Variants in CR1 observed in about 807,000 individuals in gnomAD.
The protein encoded by CR1 is complement C3b/C4b receptor 1 (Knops blood group).
A neutral mutation model predicts 187.3 loss-of-function variants in CR1; 116 were observed. The observed-to-expected ratio is 0.62, with a 90% confidence interval of 0.53 to 0.72. CR1 has a LOEUF of 0.72. Among genes scored for constraint, CR1 ranks in the 30% least tolerant of loss-of-function variants. The pLI, the probability that CR1 is intolerant of heterozygous loss-of-function variation, is 0.00. For missense variants in CR1, 1,731 were observed against 2,110.7 expected (o/e 0.82, Z 3.52); for synonymous variants, 576 against 747.1 (o/e 0.77, Z 3.73).
chr1:207,564,958 G>C (rs1427410697), intron 23 of CR1, among the ~76,000 whole-genome samples: 1 of 150,166 alleles, frequency 6.7e-6, no homozygotes, highest in East Asian at 1.9e-4. Context: ...ATTTGTAATA[G>C]GACTGAAAAT....
At chr1:207,521,370 T>C (rs1659987075) in intron 4 of CR1, among the ~76,000 whole-genome samples, 1 of 152,098 alleles carries the variant, frequency 6.6e-6, no homozygotes, top group Admixed American at 6.6e-5. Flanking sequence ...TTATGCTCAG[T>C]TCTCTCTCTC....
At chr1:207,510,740 T>A (rs142493735) in intron 3 of CR1, among the ~76,000 whole-genome samples, 36 of 135,318 alleles carry the variant, frequency 2.7e-4, no homozygotes, top group African/African-American at 1.1e-3. Flanking sequence ...CTTCCTTCCT[T>A]CCTTCTTTCC....
At chr1:207,514,827 G>A (rs1193793144) in intron 4 of CR1, among the ~76,000 whole-genome samples, 1 of 151,488 alleles carries the variant, frequency 6.6e-6, no homozygotes, top group African/African-American at 2.4e-5. Flanking sequence ...TCATATATTT[G>A]TTTCCTTGTA....
At chr1:207,593,422 T>G (rs1198209215) in intron 35 of CR1, among the ~76,000 whole-genome samples, 1 of 152,230 alleles carries the variant, frequency 6.6e-6, no homozygotes, top group African/African-American at 2.4e-5. Flanking sequence ...AAACTGAAGC[T>G]GGACCCCTTC....
At chr1:207,576,722 A>T (rs1390477796) in intron 28 of CR1, among the ~76,000 whole-genome samples, 1 of 151,824 alleles carries the variant, frequency 6.6e-6, no homozygotes, top group Non-Finnish European at 1.5e-5. Context: ...GGAGACTGAG[A>T]GGTGGGAGGA....
intron 1 of CR1, among the ~76,000 whole-genome samples, chr1:207,496,748 T>C (rs1257449318): frequency 6.6e-6 from 1 of 152,222 alleles, no homozygotes; most frequent in Non-Finnish European, 1.5e-5. Context: ...GAAAGGGAAC[T>C]TGGGGATCCG....
At chr1:207,622,125 T>C (rs1662332396) in intron 44 of CR1, 129 bp downstream of exon 44, 3 of 601,632 alleles carry the variant, frequency 5.0e-6, no homozygotes, top group African/African-American at 1.9e-5. Context: ...ATATCTTCAG[T>C]TGTAAGTTCA....
chr1:207,612,170 G>A (rs1292458379), intron 39 of CR1, 129 bp downstream of exon 39: 9 of 1,025,170 alleles, frequency 8.8e-6, no homozygotes, highest in Non-Finnish European at 1.3e-5. Flanking sequence ...TTTATGGAAG[G>A]GTAGTTTTGA....
intron 35 of CR1, among the ~76,000 whole-genome samples, chr1:207,606,150 A>T (rs1661743896): frequency 6.6e-6 from 1 of 152,194 alleles, no homozygotes; most frequent in African/African-American, 2.4e-5. Flanking sequence ...ACCTCTTCAA[A>T]ATGAGAGCCC....
chr1:207,579,881 C>A (rs1660881726), intron 29 of CR1, among the ~76,000 whole-genome samples: 2 of 152,144 alleles, frequency 1.3e-5, no homozygotes, highest in Non-Finnish European at 2.9e-5. Context: ...CATGCCTGTC[C>A]CGAAACAGTA....
Position 207,609,482 on chromosome 1 carries a change from G to T in CR1, c.6089G>T (p.Ser2030Ile). The change falls in exon 37 of 47, where the codon AGC (serine) becomes ATC (isoleucine). Residue 2030 changes from serine to isoleucine, a missense_variant. Ser to Ile is a moderately radical substitution (Grantham distance 142). Transcript: ENST00000367049. ...GATGATCAAGTTGGTGTTTGGAGCA[G>T]CCCTCCCCCTCGGTGTATTTCTACT... ...SKDDQVGVWS[S>I]PPPRCISTNK... 1 of 1,614,008 alleles carries T rather than the reference G, an allele frequency of 6.2e-7. No individual in the cohort carries two copies. Among genetic ancestry groups the T allele is most frequent in the Non-Finnish European group, 8.5e-7 (1 of 1,179,890 alleles).
At position 207,609,343 on chromosome 1, in the gene CR1, A is replaced by T. The variant is rs1273830420; in HGVS notation, c.5950A>T (p.Asn1984Tyr). The T allele has an allele frequency of 1.2e-6, 2 of 1,613,882 alleles. No individual in the cohort carries two copies. Among genetic ancestry groups the T allele is most frequent in the Non-Finnish European group, 1.7e-6 (2 of 1,179,876 alleles). Residue 1984 changes from asparagine to tyrosine, a missense_variant, in exon 37 of 47, where the codon AAT becomes TAT. Transcript: ENST00000367049. Reference sequence around the variant, plus strand: ...ATCCAATGGAGACTTCTACAGCAACAATAGAACATCTTTTCACAATGGAAC... The same window carrying T: ...ATCCAATGGAGACTTCTACAGCAACTATAGAACATCTTTTCACAATGGAAC... ...TISNGDFYSN[N>Y]RTSFHNGTVV... is the part of the protein sequence containing the mutation.
chr1:207,509,409 T>TA (rs1357677710), intron 3 of CR1, among the ~76,000 whole-genome samples: 30 of 152,220 alleles, frequency 2.0e-4, no homozygotes, highest in African/African-American at 7.0e-4. Flanking sequence ...TGGCTCCCCT[T>TA]ACAATAAGTA....
In CR1 at chr1:207,506,652, T is replaced by C. The variant is rs1406563150; in HGVS notation, c.302-62T>C. 5.2e-6 allele frequency: 7 copies of C among 1,352,494 alleles called. No homozygotes were observed. In the South Asian group the frequency reaches 5.9e-5, roughly 11 times the overall value. The allele number at this position is 1,352,494 out of a possible 1,614,324, so 83.8% of individuals were successfully genotyped here. ...AAGCTACAGGCAGGTTGAGACCTTA[T>C]GTACTAAAAAAAGTTTTTAGTTTAC... On this transcript the variant is annotated intron_variant, in intron 2 of 46. Transcript: ENST00000367049.
rs570232546 is a variant in CR1, at chr1:207,523,267, T to A, written c.488-344T>A. ...TTTTATTTTTCTAAAAAAGCTAACC[T>A]TGGTTAATAACAAAAATGGAAATTA... On this transcript the variant is annotated intron_variant, in intron 4 of 46. Transcript: ENST00000367049. Among the ~76,000 whole-genome samples, 287 of 152,340 alleles carry A rather than the reference T, an allele frequency of 1.9e-3. 3 individuals are homozygous for A. The highest frequency in any genetic ancestry group is 6.6e-3 in the African/African-American group (273 of 41,584).
chr1:207,526,907 C>A lies in CR1; in HGVS notation c.1041C>A (p.Ser347Arg), dbSNP rs1461916296. 6.8e-7 allele frequency: 1 copy of A among 1,474,328 alleles called. No individual in the cohort carries two copies. Among genetic ancestry groups the A allele is most frequent in the Admixed American group, 2.1e-5 (1 of 47,822 alleles). 91.3% of individuals were successfully genotyped at this position (1,474,328 alleles called of 1,614,324 possible). A position where few individuals can be genotyped will look rare whatever the true frequency, so the allele number is the denominator to read the frequency against. Residue 347 changes from serine to arginine, a missense_variant, in exon 6 of 47, where the codon AGC becomes AGA. This residue lies in a region of CR1 where 17 missense variants were observed against 214.5 expected (regional missense o/e 0.08). Transcript: ENST00000367049. Reference protein sequence around the residue: ...SMRCTPQGDWSPAAPTCEVKS... With the variant: ...SMRCTPQGDWRPAAPTCEVKS... ...GCTGCACACCCCAGGGAGACTGGAG[C>A]CCTGCAGCCCCCACATGTGAAGGTG... is the stretch of plus-strand genomic sequence containing the variant.
At chr1:207,523,573 A>G (rs779588287) in intron 4 of CR1, 38 bp from the exon 5 acceptor site, 21 of 1,612,366 alleles carry the variant, frequency 1.3e-5, no homozygotes, top group Non-Finnish European at 1.4e-5. Context: ...TTCATTATTT[A>G]AACTGACTGT....
chr1:207,577,641 A>G (rs554371410), intron 28 of CR1, among the ~76,000 whole-genome samples, 164 bp from the exon 29 acceptor site: 1 of 152,240 alleles, frequency 6.6e-6, no homozygotes, highest in Admixed American at 6.5e-5. Context: ...ATGGTGGTGC[A>G]TGCCTGTGAT....
At chr1:207,592,003 T>TC (rs1162038738) in intron 35 of CR1, among the ~76,000 whole-genome samples, 1 of 152,180 alleles carries the variant, frequency 6.6e-6, no homozygotes. Flanking sequence ...CATAGCTGAA[T>TC]CCTACCAGAG....
Sources: allele counts gnomAD v4.1 joint callset (sites outside exome capture counted in the v4.1 genomes callset), GRCh38; gene constraint gnomAD v4.1.1; regional missense constraint gnomAD v4.1.1; transcripts MANE v1.5; gene names NCBI Gene and HGNC (gene_info 2026-07-23, HGNC 2026-07-21).